NOL6: variants seen among roughly 807,000 people sequenced by gnomAD.
NOL6 encodes the protein nucleolar protein 6, also known as nucleolar RNA-associated protein.
In NOL6, 33 loss-of-function variants were observed where a neutral mutation model predicts 131.7. The observed-to-expected ratio is 0.25, with a 90% CI of 0.19 to 0.33. The LOEUF (loss-of-function observed/expected upper bound fraction) is 0.33, where lower values mean the gene tolerates loss of function less well. NOL6 is among the 10% of genes least tolerant of loss of function. The pLI is 1.00. For missense variants in NOL6, 1,297 were observed against 1,494.5 expected (o/e 0.87, Z 2.18); for synonymous variants, 580 against 605.7 (o/e 0.96, Z 0.62).
At position 33,468,549 on chromosome 9, in the gene NOL6, C is replaced by T; in HGVS notation, c.1165G>A (p.Val389Ile). 1 of 1,614,172 alleles carries T rather than the reference C, an allele frequency of 6.2e-7. No individual in the cohort carries two copies. Among genetic ancestry groups the T allele is most frequent in the Non-Finnish European group, 8.5e-7 (1 of 1,180,026 alleles). ...LQFLATTDLT[V>I]NGISLCLSSD... is the part of the protein sequence containing the mutation. ...CTGAGACATAAACTGATCCCGTTGA[C>T]TGTCAGGTCTGTAGTGGCTGAAGTG... is the stretch of plus-strand genomic sequence containing the variant. The change falls in exon 9 of 26, where the codon GTC becomes ATC. Residue 389 changes from valine (V) to isoleucine (I), a missense_variant. Transcript: ENST00000297990.
chr9:33,464,275 C>T (rs1827181808), intron 21 of NOL6, 114 bp from the exon 22 acceptor site: 13 of 1,219,384 alleles, frequency 1.1e-5, no homozygotes, highest in African/African-American at 1.5e-5. Flanking sequence ...TATTTTTCAA[C>T]ACTCCCCCCC....
Position 33,463,351 on chromosome 9 carries a change from G to A in NOL6, c.3085C>T (p.Pro1029Ser), listed in dbSNP as rs749272224. The change falls in exon 24 of 26, where the codon CCA becomes TCA. Residue 1029 changes from proline to serine, a missense_variant. Physicochemically the swap from Pro to Ser is moderately conservative, Grantham distance 74. Transcript: ENST00000297990. ...AGGCCCCGGCAGAAGGAGGCAGCTG[G>A]CGAGTCCACAGCCTGGCGGTGCCGC... ...IPRHRQAVDS[P>S]AASFCRGLLS... 2.5e-6 allele frequency: 4 copies of A among 1,613,854 alleles called. No individual in the cohort carries two copies. The African/African-American group carries it at 5.3e-5, about 22-fold the overall frequency.
intron 21 of NOL6, among the ~76,000 whole-genome samples, chr9:33,464,577 C>G (rs1563876476): frequency 6.6e-6 from 1 of 152,156 alleles, no homozygotes. Flanking sequence ...CTGTGCTACA[C>G]TTCCTAGCTC....
chr9:33,462,840 G>C, intron 25 of NOL6, 27 bp from the exon 26 acceptor site: 1 of 1,613,260 alleles, frequency 6.2e-7, no homozygotes, highest in Non-Finnish European at 8.5e-7. Context: ...AGAGATGTGG[G>C]TTGAGTGTCA....
rs138199956 is a variant in NOL6, at chr9:33,470,083, C to T, written c.487G>A (p.Val163Met). Residue 163 changes from valine to methionine, a missense_variant, in exon 4 of 26, where the codon GTG becomes ATG. Physicochemically the swap from Val to Met is conservative, Grantham distance 21. Transcript: ENST00000297990. The part of the protein sequence containing the change: ...RFLPPAQVTV[V>M]GSYLLGTCIR... The stretch of plus-strand genomic sequence containing the variant: ...CAGGTGCCCAGAAGGTAGCTGCCCA[C>T]AACAGTAACCTGGGCTGGGGGCAGG... 7.4e-6 allele frequency: 12 copies of T among 1,613,040 alleles called. No individual in the cohort carries two copies. The African/African-American group carries it at 1.3e-4, about 18-fold the overall frequency.
In NOL6 at chr9:33,468,237, A is replaced by G; in HGVS notation, c.1308+84T>C. 4.4e-6 allele frequency: 7 copies of G among 1,608,660 alleles called. No individual in the cohort carries two copies. The South Asian group carries it at 7.7e-5, about 18-fold the overall frequency. ...CCCTAAACTTAACTCTTTGAAGAGGAGTTTCTGGGGTTCTGGTACTTGCAA... is the reference window on the plus strand; with the variant it reads ...CCCTAAACTTAACTCTTTGAAGAGGGGTTTCTGGGGTTCTGGTACTTGCAA... On this transcript the variant is annotated intron_variant, in intron 10 of 25. Coordinates refer to ENST00000297990, the MANE Select transcript of NOL6 (RefSeq NM_022917.5).
intron 24 of NOL6, 24 bp from the exon 25 acceptor site, chr9:33,463,158 G>C: frequency 6.2e-7 from 1 of 1,609,706 alleles, no homozygotes; most frequent in Non-Finnish European, 8.5e-7. Context: ...GAACAGAGAA[G>C]ATTATAGGCA....
intron 1 of NOL6, 81 bp from the exon 2 acceptor site, chr9:33,472,493 TG>T (rs1587228449): frequency 8.6e-7 from 1 of 1,157,614 alleles, no homozygotes; most frequent in East Asian, 2.5e-5. Context: ...TGATAGGTTG[TG>T]GGTAAAAGCT....
Position 33,462,596 on chromosome 9 carries a change from C to A in NOL6, c.*68G>T. On this transcript the variant is annotated 3_prime_UTR_variant, in exon 26 of 26. Coordinates refer to ENST00000297990, the MANE Select transcript of NOL6 (RefSeq NM_022917.5). ...CATGTCCAAGGAGGGTGGAGGTCATCCTACTGACATCTTGCTCTAGAGGTC... is the reference window on the plus strand; with the variant it reads ...CATGTCCAAGGAGGGTGGAGGTCATACTACTGACATCTTGCTCTAGAGGTC... 6.4e-7 allele frequency: 1 copy of A among 1,565,020 alleles called. No individual in the cohort carries two copies. Among genetic ancestry groups the A allele is most frequent in the South Asian group, 1.1e-5 (1 of 87,310 alleles).
chr9:33,466,959 G>A lies in NOL6; in HGVS notation c.1903C>T (p.His635Tyr), dbSNP rs759596776. The A allele has an allele frequency of 1.5e-5, 25 of 1,614,168 alleles. No homozygotes were observed. The South Asian group carries it at 2.6e-4, about 17-fold the overall frequency. ...LHADIPETCV[H>Y]YVGGPLDALI... The stretch of plus-strand genomic sequence containing the variant: ...GCATCCAGGGGGCCCCCCACATAGT[G>A]GACACAGGTTTCTGGGATGTCAGCA... The change falls in exon 15 of 26, where the codon CAC becomes TAC. Residue 635 changes from histidine to tyrosine, a missense_variant. By Grantham distance (83) the His-to-Tyr change is moderately conservative. Transcript: ENST00000297990.
intron 3 of NOL6, among the ~76,000 whole-genome samples, chr9:33,471,339 C>T (rs954863349): frequency 2.6e-5 from 4 of 152,200 alleles, no homozygotes; most frequent in Admixed American, 2.6e-4. Flanking sequence ...CCAGCAGTGG[C>T]TCCCCATCTC....
In NOL6 at chr9:33,462,626, G is replaced by C; in HGVS notation, c.*38C>G. 2 of 1,610,350 alleles carry C rather than the reference G, an allele frequency of 1.2e-6. No individual in the cohort carries two copies. The highest frequency in any genetic ancestry group is 1.7e-6 in the Non-Finnish European group (2 of 1,177,324). On this transcript the variant is annotated 3_prime_UTR_variant, in exon 26 of 26. Transcript: ENST00000297990. ...TGACATCTTGCTCTAGAGGTCCAAT[G>C]TCCTGCTGTCCGTCTACAGCTTGCT...
chr9:33,472,588 G>A (rs1218129296), intron 1 of NOL6, 176 bp from the exon 2 acceptor site: 22 of 617,388 alleles, frequency 3.6e-5, no homozygotes, highest in Middle Eastern at 4.2e-4. Flanking sequence ...ATCACTGAGC[G>A]CTGAGCCGAA....
Position 33,472,203 on chromosome 9 carries a change from T to C in NOL6, c.261+3A>G. The C allele has an allele frequency of 6.2e-7, 1 of 1,614,136 alleles. No homozygotes were observed. Among genetic ancestry groups the C allele is most frequent in the Non-Finnish European group, 8.5e-7 (1 of 1,179,968 alleles). On this transcript the variant is annotated splice_donor_region_variant and intron_variant, in intron 2 of 25. Coordinates refer to ENST00000297990, the MANE Select transcript of NOL6 (RefSeq NM_022917.5). ...AACAAAAGCTGCAGACACTCAACAG[T>C]ACCTGTAAACGAAGCAAGCTGGAGT...
chr9:33,464,262 AG>A, intron 21 of NOL6, 101 bp from the exon 22 acceptor site: 1 of 1,386,130 alleles, frequency 7.2e-7, no homozygotes, highest in Non-Finnish European at 9.6e-7. Flanking sequence ...TGCTCATCAC[AG>A]GTATTTTTCA....
At position 33,472,070 on chromosome 9, in the gene NOL6, C is replaced by A. The variant is rs771324135; in HGVS notation, c.312G>T (p.Arg104=). The A allele has an allele frequency of 1.2e-6, 2 of 1,613,808 alleles. No individual in the cohort carries two copies. The highest frequency in any genetic ancestry group is 1.7e-6 in the Non-Finnish European group (2 of 1,180,048). ...EVRLSEKKKD[R]IDAFLREVNQ... The stretch of plus-strand genomic sequence containing the variant: ...TGACCTCCCGTAGGAAGGCATCAAT[C>A]CGATCCTTCTTCTTCTCTGACAGCC... The change falls in exon 3 of 26, where the codon CGG becomes CGT. Residue 104 remains arginine (R), a synonymous_variant. Coordinates refer to ENST00000297990, the MANE Select transcript of NOL6 (RefSeq NM_022917.5).
At position 33,468,516 on chromosome 9, in the gene NOL6, G is replaced by T; in HGVS notation, c.1198C>A (p.Pro400Thr). The T allele has an allele frequency of 2.5e-6, 4 of 1,614,142 alleles. No homozygotes were observed. In the South Asian group the frequency reaches 3.3e-5, roughly 13 times the overall value. The change falls in exon 9 of 26, where the codon CCC becomes ACC. Residue 400 changes from proline (P) to threonine (T), a missense_variant. Pro to Thr is a conservative substitution (Grantham distance 38). Transcript: ENST00000297990. ...NGISLCLSSDPSLPALADFHQ... is the reference protein window; with the variant it reads ...NGISLCLSSDTSLPALADFHQ... ...GCCCTTCCCCAACTCACCAAAGAGG[G>T]ATCTGAGCTGAGACATAAACTGATC...
In NOL6 at chr9:33,462,228, T is replaced by G; in HGVS notation, c.*436A>C. On this transcript the variant is annotated 3_prime_UTR_variant, in exon 26 of 26. Coordinates refer to ENST00000297990, the MANE Select transcript of NOL6 (RefSeq NM_022917.5). The stretch of plus-strand genomic sequence containing the variant: ...TGGGTCCCATCTAAAGGCCTGACAC[T>G]GCAGTGAAGGGCATGCTAAGTCTAG... 1 of 717,136 alleles carries G rather than the reference T, an allele frequency of 1.4e-6. No homozygotes were observed. The highest frequency in any genetic ancestry group is 2.5e-4 in the Middle Eastern group (1 of 4,068). The allele number at this position is 717,136 out of a possible 1,614,324, so 44.4% of individuals were successfully genotyped here. A position where few individuals can be genotyped will look rare whatever the true frequency, so the allele number is the denominator to read the frequency against.
intron 21 of NOL6, 62 bp downstream of exon 21, chr9:33,464,817 C>G: frequency 8.1e-7 from 1 of 1,239,992 alleles, no homozygotes. Context: ...CCAGGGAAAC[C>G]CTTGCCTGCA....
Sources: allele counts gnomAD v4.1 joint callset (sites outside exome capture counted in the v4.1 genomes callset), GRCh38; gene constraint gnomAD v4.1.1; transcripts MANE v1.5; gene names NCBI Gene and HGNC (gene_info 2026-07-23, HGNC 2026-07-21).